Variants in NCAM1 observed in about 807,000 individuals in gnomAD.
NCAM1 encodes antigen recognized by monoclonal antibody 5.1H11.
In NCAM1, 14 loss-of-function variants were observed where a neutral mutation model predicts 109.8. The observed-to-expected ratio is 0.13, with a 90% CI of 0.08 to 0.20. The LOEUF (loss-of-function observed/expected upper bound fraction) is 0.20. Ranked by LOEUF, NCAM1 falls within the 10% of genes least tolerant of loss-of-function variation. NCAM1 has a pLI of 1.00. For missense variants in NCAM1, 774 were observed against 1,109.9 expected (o/e 0.70, Z 4.30); for synonymous variants, 418 against 442.9 (o/e 0.94, Z 0.70).
chr11:113,148,097 T>G (rs527336463), intron 1 of NCAM1, among the ~76,000 whole-genome samples: 20 of 152,320 alleles, frequency 1.3e-4, no homozygotes, highest in African/African-American at 4.6e-4. Flanking sequence ...AAACATCTTC[T>G]CTCCCCTCCT....
chr11:113,277,498 C>G lies in NCAM1; in HGVS notation c.*2111C>G, dbSNP rs1946420898. The G allele has an allele frequency of 7.5e-6, 3 of 398,794 alleles. No homozygotes were observed. The highest frequency in any genetic ancestry group is 4.4e-6 in the Non-Finnish European group (1 of 226,024). The allele number at this position is 398,794 out of a possible 1,614,324, so 24.7% of individuals were successfully genotyped here. On this transcript the variant is annotated 3_prime_UTR_variant, in exon 20 of 20. Coordinates refer to ENST00000316851, the MANE Select transcript of NCAM1 (RefSeq NM_181351.5). ...TAGAGCACACAGTAGAATGTGAGAG[C>G]CTGGGTGTCTGAGACCGGGAGGGCC...
chr11:113,099,080 G>A lies in NCAM1; in HGVS notation c.53-103299G>A, dbSNP rs190907199. ...TTAAACCTCAAAACAACCCTAGAAG[G>A]TAGGCGCTATTACTTTCCTTCCATT... On this transcript the variant is annotated intron_variant, in intron 1 of 19. Coordinates refer to ENST00000316851, the MANE Select transcript of NCAM1 (RefSeq NM_181351.5). 5.9e-5 allele frequency among the ~76,000 whole-genome samples: 9 copies of A among 152,280 alleles called. 1 individual carries two copies. The East Asian group carries it at 1.5e-3, about 26-fold the overall frequency.
At chr11:113,136,138 C>A (rs7112548) in intron 1 of NCAM1, among the ~76,000 whole-genome samples, 2 of 151,908 alleles carry the variant, frequency 1.3e-5, no homozygotes, top group Non-Finnish European at 2.9e-5. Flanking sequence ...GGCAACAAAA[C>A]GAGATCCTGT....
rs782751605 is a variant in NCAM1 at position 113,204,494 on chromosome 11, G to T, written c.336G>T (p.Val112=). The part of the protein sequence containing the change: ...DGSESEATVN[V]KIFQKLMFKN... ...GTGAGTCAGAGGCCACCGTCAACGT[G>T]AAGATCTTTCGTAAGAGCCTCCTTC... The change falls in exon 3 of 20, where the codon GTG becomes GTT. Residue 112 remains valine, a synonymous_variant. Transcript: ENST00000316851. 1.2e-6 allele frequency: 2 copies of T among 1,613,950 alleles called. No individual in the cohort carries two copies. Among genetic ancestry groups the T allele is most frequent in the Admixed American group, 3.3e-5 (2 of 60,030 alleles).
chr11:113,205,487 C>T (rs1265401412), intron 3 of NCAM1, 36 bp from the exon 4 acceptor site: 2 of 1,587,930 alleles, frequency 1.3e-6, no homozygotes, highest in Non-Finnish European at 1.7e-6. Flanking sequence ...GTGAGAGAAG[C>T]AGCTGTTTTC....
chr11:113,044,356 C>G (rs782567966), intron 1 of NCAM1, among the ~76,000 whole-genome samples: 10 of 151,338 alleles, frequency 6.6e-5, no homozygotes, highest in African/African-American at 9.7e-5. Context: ...CTGTGTGTGA[C>G]ACACACACAC....
intron 1 of NCAM1, chr11:113,040,826 CT>C (rs1394613550): frequency 6.6e-6 from 1 of 152,138 alleles, no homozygotes; most frequent in Non-Finnish European, 1.5e-5. Context: ...TACCACTTTT[CT>C]CTTTTTTTCC....
intron 1 of NCAM1, among the ~76,000 whole-genome samples, chr11:113,060,744 GC>G (rs1161793987): frequency 6.6e-6 from 1 of 152,084 alleles, no homozygotes; most frequent in Non-Finnish European, 1.5e-5. Flanking sequence ...GAAAGAGAAT[GC>G]ATTTATATCT....
intron 1 of NCAM1, among the ~76,000 whole-genome samples, chr11:113,155,768 C>G (rs2136306815): frequency 6.6e-6 from 1 of 152,196 alleles, no homozygotes; most frequent in African/African-American, 2.4e-5. Context: ...TTGACCAACT[C>G]CTTCTTCATG....
intron 1 of NCAM1, among the ~76,000 whole-genome samples, chr11:113,047,681 C>G (rs1390696070): frequency 1.3e-5 from 2 of 152,102 alleles, no homozygotes; most frequent in African/African-American, 4.8e-5. Flanking sequence ...TTAATTGGCT[C>G]ACAGTTCCCC....
chr11:113,178,688 A>G (rs1383944677), intron 1 of NCAM1, among the ~76,000 whole-genome samples: 1 of 152,226 alleles, frequency 6.6e-6, no homozygotes, highest in East Asian at 1.9e-4. Context: ...AAAAGAAAGA[A>G]GATGAATTTC....
chr11:113,150,635 A>T (rs1031178173), intron 1 of NCAM1, among the ~76,000 whole-genome samples: 11 of 152,216 alleles, frequency 7.2e-5, no homozygotes, highest in Admixed American at 2.0e-4. Flanking sequence ...ACAAACCGAC[A>T]TCAGCCAGTT....
At chr11:113,050,495 G>A (rs1406069989) in intron 1 of NCAM1, among the ~76,000 whole-genome samples, 1 of 152,134 alleles carries the variant, frequency 6.6e-6, no homozygotes, top group Non-Finnish European at 1.5e-5. Flanking sequence ...TTGTAGATAT[G>A]TGGCTTTATT....
chr11:113,182,520 C>T (rs1049113060), intron 1 of NCAM1, among the ~76,000 whole-genome samples: 2 of 152,206 alleles, frequency 1.3e-5, no homozygotes, highest in Non-Finnish European at 2.9e-5. Flanking sequence ...ACGTACTAGG[C>T]ACTCCATGTG....
chr11:113,052,589 A>G (rs1953544140), intron 1 of NCAM1, among the ~76,000 whole-genome samples: 1 of 152,234 alleles, frequency 6.6e-6, no homozygotes, highest in African/African-American at 2.4e-5. Flanking sequence ...GCTTGGCTTG[A>G]TGATGGAAGT....
intron 1 of NCAM1, among the ~76,000 whole-genome samples, chr11:113,114,765 C>T (rs1344379318): frequency 6.6e-6 from 1 of 152,200 alleles, no homozygotes; most frequent in African/African-American, 2.4e-5. Flanking sequence ...TTTTACTCAG[C>T]TAGTCAACAA....
At chr11:113,108,958 G>A (rs563533937) in intron 1 of NCAM1, among the ~76,000 whole-genome samples, 1 of 150,990 alleles carries the variant, frequency 6.6e-6, no homozygotes, top group Non-Finnish European at 1.5e-5. Flanking sequence ...GCCTGGTTTC[G>A]AACTCCTGAC....
At position 113,276,309 on chromosome 11, in the gene NCAM1, G is replaced by A. The variant is rs1242001643; in HGVS notation, c.*922G>A. The A allele has an allele frequency of 5.2e-5, 8 of 152,504 alleles. No individual in the cohort carries two copies. The highest frequency in any genetic ancestry group is 1.2e-4 in the Non-Finnish European group (8 of 68,024). The allele number at this position is 152,504 out of a possible 1,614,324, so 9.4% of individuals were successfully genotyped here. A position where few individuals can be genotyped will look rare whatever the true frequency, so the allele number is the denominator to read the frequency against. On this transcript the variant is annotated 3_prime_UTR_variant, in exon 20 of 20. Coordinates refer to ENST00000316851, the MANE Select transcript of NCAM1 (RefSeq NM_181351.5). ...TTTTCTGATCTGCAGTTTTTGCCTG[G>A]GTCCCACTCAGGTGAAAATCCATCT...
intron 13 of NCAM1, among the ~76,000 whole-genome samples, chr11:113,234,038 C>T (rs903877722): frequency 7.2e-5 from 11 of 151,918 alleles, no homozygotes; most frequent in Admixed American, 6.6e-4. Flanking sequence ...CACAGCCATT[C>T]AGAGACATAG....
Sources: gnomAD v4.1 joint callset for allele counts (sites outside exome capture counted in the v4.1 genomes callset) on GRCh38, gnomAD v4.1.1 for gene constraint, MANE v1.5 for transcripts, NCBI Gene and HGNC (gene_info 2026-07-23, HGNC 2026-07-21) for gene names.